MAST4: variants seen among roughly 807,000 people sequenced by gnomAD.
MAST4 encodes the protein microtubule-associated serine/threonine-protein kinase 4.
Under a neutral mutation model 162.7 loss-of-function variants are expected in MAST4, and 89 were observed. The observed-to-expected ratio is 0.55, with a 90% confidence interval of 0.46 to 0.65. The LOEUF (loss-of-function observed/expected upper bound fraction) is 0.65. Ranked by LOEUF, MAST4 falls within the 30% of genes least tolerant of loss-of-function variation. The pLI, the probability that MAST4 is intolerant of heterozygous loss-of-function variation, is 0.00. For synonymous variants in MAST4, 1,479 were observed against 1,361.1 expected, an observed-to-expected ratio of 1.09 and a Z score of -1.91; for missense variants, 3,153 against 3,374.0, an observed-to-expected ratio of 0.93 and a Z score of 1.62.
chr5:66,599,089 G>A (rs1008993986), intron 1 of MAST4, among the ~76,000 whole-genome samples: 1 of 152,208 alleles, frequency 6.6e-6, no homozygotes, highest in Non-Finnish European at 1.5e-5. Context: ...TTTCCCAGGA[G>A]CAAAATCTTG....
At chr5:67,045,708 G>C (rs1017403707) in intron 4 of MAST4, among the ~76,000 whole-genome samples, 2 of 152,190 alleles carry the variant, frequency 1.3e-5, no homozygotes, top group African/African-American at 2.4e-5. Flanking sequence ...ATAGATTCAA[G>C]TTGCTCTGTA....
At chr5:67,033,001 TATAA>T (rs1329368221) in intron 4 of MAST4, among the ~76,000 whole-genome samples, 1 of 152,124 alleles carries the variant, frequency 6.6e-6, no homozygotes, top group African/African-American at 2.4e-5. Flanking sequence ...TAGAATCATA[TATAA>T]ATACTTTTTG....
At chr5:66,840,325 G>T (rs1233505258) in intron 3 of MAST4, among the ~76,000 whole-genome samples, 1 of 151,870 alleles carries the variant, frequency 6.6e-6, no homozygotes, top group African/African-American at 2.4e-5. Context: ...TTTTAGCATC[G>T]TTGTGAATGA....
intron 2 of MAST4, among the ~76,000 whole-genome samples, chr5:66,776,907 G>C (rs2149650496): frequency 6.6e-6 from 1 of 152,268 alleles, no homozygotes; most frequent in East Asian, 1.9e-4. Flanking sequence ...AGCCTTCCTG[G>C]TTGGCACCAC....
intron 5 of MAST4, among the ~76,000 whole-genome samples, chr5:67,089,401 T>A (rs1405814270): frequency 6.6e-6 from 1 of 152,124 alleles, no homozygotes. Context: ...CAACGAGCAA[T>A]CACTGCCCCA....
intron 4 of MAST4, among the ~76,000 whole-genome samples, chr5:66,926,174 T>C (rs1764876023): frequency 1.3e-5 from 2 of 152,182 alleles, no homozygotes; most frequent in Admixed American, 6.6e-5. Context: ...TTAGTCTGTC[T>C]TATGTCACAG....
chr5:66,919,775 C>T (rs1322398185), intron 4 of MAST4, among the ~76,000 whole-genome samples: 3 of 152,014 alleles, frequency 2.0e-5, no homozygotes, highest in Non-Finnish European at 4.4e-5. Context: ...ATATTATTCT[C>T]CACTAAAGGT....
intron 1 of MAST4, among the ~76,000 whole-genome samples, chr5:66,717,096 C>T (rs16875284): frequency 0.014 from 2,151 of 152,158 alleles, 52 homozygotes; most frequent in African/African-American, 0.048. Context: ...TGAAGAGGAG[C>T]GTTTCCTAGA....
intron 4 of MAST4, among the ~76,000 whole-genome samples, chr5:66,929,007 A>T (rs1283099902): frequency 1.3e-5 from 2 of 152,146 alleles, no homozygotes; most frequent in Non-Finnish European, 2.9e-5. Flanking sequence ...TCAATAGAGG[A>T]TGGATGGATG....
intron 3 of MAST4, among the ~76,000 whole-genome samples, chr5:66,886,469 T>TTTGTG (rs1438238998): frequency 8.5e-5 from 13 of 152,048 alleles, no homozygotes; most frequent in African/African-American, 3.1e-4. Flanking sequence ...TCAAAGTTCC[T>TTTGTG]TTGTTCTAAC....
At chr5:66,855,335 G>A (rs1759601626) in intron 3 of MAST4, among the ~76,000 whole-genome samples, 1 of 152,158 alleles carries the variant, frequency 6.6e-6, no homozygotes, top group South Asian at 2.1e-4. Flanking sequence ...AGCTCCCTGA[G>A]GCTTCCCCAG....
chr5:66,621,351 G>C (rs780651934), intron 1 of MAST4, among the ~76,000 whole-genome samples: 1 of 152,140 alleles, frequency 6.6e-6, no homozygotes, highest in Non-Finnish European at 1.5e-5. Context: ...CTTTTGTCTC[G>C]CAGTGTGCTA....
intron 1 of MAST4, among the ~76,000 whole-genome samples, chr5:66,714,447 A>T (rs1750691064): frequency 1.3e-5 from 2 of 152,180 alleles, no homozygotes; most frequent in African/African-American, 4.8e-5. Context: ...ATTTATGAAG[A>T]TAACATTGAG....
At chr5:66,794,905 T>C (rs1175183270) in intron 3 of MAST4, among the ~76,000 whole-genome samples, 1 of 152,216 alleles carries the variant, frequency 6.6e-6, no homozygotes, top group Non-Finnish European at 1.5e-5. Context: ...ATATTCATCT[T>C]TTCCATTTGC....
intron 4 of MAST4, among the ~76,000 whole-genome samples, chr5:66,973,289 G>GTTT (rs199660691): frequency 1.4e-5 from 2 of 144,630 alleles, no homozygotes; most frequent in Non-Finnish European, 1.5e-5. Context: ...GTCTGTGAAA[G>GTTT]TTTTTTTTTT....
At chr5:66,991,717 A>T (rs1175474980) in intron 4 of MAST4, among the ~76,000 whole-genome samples, 1 of 152,184 alleles carries the variant, frequency 6.6e-6, no homozygotes, top group Non-Finnish European at 1.5e-5. Flanking sequence ...TAGAAAAATG[A>T]TTATTTTGAA....
chr5:67,006,430 C>G (rs1752041559), intron 4 of MAST4, among the ~76,000 whole-genome samples: 1 of 152,198 alleles, frequency 6.6e-6, no homozygotes, highest in Non-Finnish European at 1.5e-5. Context: ...TCCAAGACAA[C>G]TAATAAAGTT....
intron 4 of MAST4, among the ~76,000 whole-genome samples, chr5:66,903,432 CTGTGTTTGTGTG>C (rs1763136272): frequency 8.5e-6 from 1 of 117,826 alleles, no homozygotes; most frequent in African/African-American, 3.1e-5. Context: ...ATTCTCACAC[CTGTGTTTGTGTG>C]TGTGTGTGTG....
Position 66,785,955 on chromosome 5 carries a change from A to T in MAST4, c.518-2715A>T, listed in dbSNP as rs558899278. Among the ~76,000 whole-genome samples, 3 of 152,162 alleles carry T rather than the reference A, an allele frequency of 2.0e-5. No individual in the cohort carries two copies. The South Asian group carries it at 6.2e-4, about 32-fold the overall frequency. On this transcript the variant is annotated intron_variant, in intron 2 of 28. Transcript: ENST00000403625. ...ACAATCTTGGCTCACTGCAACCTCC[A>T]CCTCCTAGGCTCACGAGGTCCTCCC...
Sources: gnomAD v4.1 joint callset for allele counts (sites outside exome capture counted in the v4.1 genomes callset) on GRCh38, gnomAD v4.1.1 for gene constraint, MANE v1.5 for transcripts, NCBI Gene and HGNC (gene_info 2026-07-23, HGNC 2026-07-21) for gene names.